Variants in ANKRD11 observed in about 807,000 individuals in gnomAD.
ANKRD11 encodes ankyrin repeat domain-containing protein 11.
ANKRD11 carries 17 observed loss-of-function variants against 195.7 expected under a neutral mutation model. The observed-to-expected ratio is 0.09, with a 90% CI of 0.06 to 0.13. The LOEUF (loss-of-function observed/expected upper bound fraction) is 0.13. Among genes scored for constraint, ANKRD11 ranks in the 10% least tolerant of loss-of-function variants. The pLI, the probability that ANKRD11 is intolerant of heterozygous loss-of-function variation, is 1.00. For synonymous variants in ANKRD11, 1,953 were observed against 1,528.1 expected (o/e 1.28, Z -6.49); for missense variants, 3,735 against 3,566.1 (o/e 1.05, Z -1.21).
intron 2 of ANKRD11, among the ~76,000 whole-genome samples, chr16:89,379,664 G>C (rs531013866): frequency 6.6e-6 from 1 of 152,310 alleles, no homozygotes; most frequent in East Asian, 1.9e-4. Flanking sequence ...CCACCTCCAG[G>C]TGACTGGGAC....
intron 2 of ANKRD11, among the ~76,000 whole-genome samples, chr16:89,342,605 G>A (rs905816060): frequency 1.3e-5 from 2 of 152,174 alleles, no homozygotes; most frequent in African/African-American, 4.8e-5. Context: ...TCTTTCTGAG[G>A]CATTATATGG....
chr16:89,375,079 C>T lies in ANKRD11; in HGVS notation c.-60+43205G>A, dbSNP rs552009607. Reference sequence around the variant, plus strand: ...CATGGCATCGTTCAGCAGAGGGAAACGTAAACAAACGTAACGTCGCAGGCT... The same window carrying T: ...CATGGCATCGTTCAGCAGAGGGAAATGTAAACAAACGTAACGTCGCAGGCT... On this transcript the variant is annotated intron_variant, in intron 2 of 12. Coordinates refer to ENST00000301030, the MANE Select transcript of ANKRD11 (RefSeq NM_013275.6). 1.4e-3 allele frequency among the ~76,000 whole-genome samples: 209 copies of T among 152,068 alleles called. 1 individual carries two copies. The highest frequency in any genetic ancestry group is 4.7e-3 in the African/African-American group (195 of 41,492).
intron 1 of ANKRD11, among the ~76,000 whole-genome samples, chr16:89,436,614 G>T (rs567678620): frequency 6.6e-6 from 1 of 152,096 alleles, no homozygotes; most frequent in African/African-American, 2.4e-5. Flanking sequence ...AAGACGCAGG[G>T]GCATCAGCCA....
chr16:89,345,393 G>A (rs1002726774), intron 2 of ANKRD11, among the ~76,000 whole-genome samples: 5 of 152,112 alleles, frequency 3.3e-5, no homozygotes, highest in Non-Finnish European at 5.9e-5. Flanking sequence ...GTGGGTGGAC[G>A]AACGCTGGCT....
intron 1 of ANKRD11, among the ~76,000 whole-genome samples, chr16:89,484,512 G>C (rs1445518245): frequency 6.6e-6 from 1 of 152,062 alleles, no homozygotes; most frequent in Non-Finnish European, 1.5e-5. Flanking sequence ...CCCTTTACTT[G>C]GAAATACTGC....
intron 2 of ANKRD11, chr16:89,340,106 T>C (rs1485686359): frequency 2.0e-5 from 3 of 152,232 alleles, no homozygotes; most frequent in Admixed American, 2.0e-4. Flanking sequence ...AACACTAAAA[T>C]GAGTATTTGT....
At chr16:89,463,578 T>C (rs1172032513) in intron 1 of ANKRD11, among the ~76,000 whole-genome samples, 5 of 152,114 alleles carry the variant, frequency 3.3e-5, no homozygotes, top group Non-Finnish European at 7.4e-5. Context: ...GAGACCTTTG[T>C]TCACTTGTTT....
At chr16:89,337,946 T>A (rs866901456) in intron 2 of ANKRD11, among the ~76,000 whole-genome samples, 26 of 152,306 alleles carry the variant, frequency 1.7e-4, no homozygotes, top group Middle Eastern at 6.8e-3. Flanking sequence ...CTGCTGAGCA[T>A]GAGGGTCCAG....
intron 2 of ANKRD11, among the ~76,000 whole-genome samples, chr16:89,376,040 G>A (rs537824280): frequency 2.0e-5 from 3 of 152,302 alleles, no homozygotes; most frequent in East Asian, 1.9e-4. Context: ...CAGGACATCC[G>A]TGAAGCCATC....
At chr16:89,390,998 G>A (rs2041167868) in intron 2 of ANKRD11, among the ~76,000 whole-genome samples, 1 of 152,132 alleles carries the variant, frequency 6.6e-6, no homozygotes, top group African/African-American at 2.4e-5. Context: ...GGAGGCCGAG[G>A]TGGGTGGATC....
chr16:89,333,432 C>T (rs371014371), intron 2 of ANKRD11, among the ~76,000 whole-genome samples: 42 of 152,288 alleles, frequency 2.8e-4, no homozygotes, highest in East Asian at 1.4e-3. Flanking sequence ...TATGGTTGGA[C>T]GAACGTATCC....
intron 1 of ANKRD11, among the ~76,000 whole-genome samples, chr16:89,481,556 C>CA (rs2057446459): frequency 6.6e-6 from 1 of 152,058 alleles, no homozygotes; most frequent in Non-Finnish European, 1.5e-5. Flanking sequence ...GACCTTGTCT[C>CA]AAAAAAAGAA....
intron 1 of ANKRD11, among the ~76,000 whole-genome samples, chr16:89,426,160 CA>C (rs1037915483): frequency 6.6e-6 from 1 of 151,942 alleles, no homozygotes. Context: ...AGGGGAATGG[CA>C]AAAACAATTC....
At chr16:89,274,363 C>G (rs927884281) in intron 11 of ANKRD11, among the ~76,000 whole-genome samples, 1 of 152,210 alleles carries the variant, frequency 6.6e-6, no homozygotes, top group African/African-American at 2.4e-5. Context: ...CCCTTAGCCA[C>G]CCAGTGTCCC....
chr16:89,358,317 C>G (rs891103304), intron 2 of ANKRD11, among the ~76,000 whole-genome samples: 1 of 152,124 alleles, frequency 6.6e-6, no homozygotes, highest in Non-Finnish European at 1.5e-5. Flanking sequence ...CACATCACAG[C>G]TGCATATTCA....
intron 1 of ANKRD11, among the ~76,000 whole-genome samples, chr16:89,427,539 G>C (rs1488933065): frequency 6.6e-6 from 1 of 152,240 alleles, no homozygotes; most frequent in Non-Finnish European, 1.5e-5. Flanking sequence ...GCTCACGCCT[G>C]TAATCACAGC....
At chr16:89,288,101 T>TG (rs2034778772) in intron 7 of ANKRD11, 1 of 570,534 alleles carries the variant, frequency 1.8e-6, no homozygotes, top group Admixed American at 3.2e-5. Context: ...TTCTAAAGCT[T>TG]GAGTCTATGG....
In ANKRD11 at chr16:89,384,759, T is replaced by G. The variant is rs952296903; in HGVS notation, c.-60+33525A>C. On this transcript the variant is annotated intron_variant, in intron 2 of 12. Transcript: ENST00000301030. ...TGGTCTTACTGTATTTTTGGCAACCTGTATTTAGCACCTACAGAAAAAGCA... is the reference window on the plus strand; with the variant it reads ...TGGTCTTACTGTATTTTTGGCAACCGGTATTTAGCACCTACAGAAAAAGCA... Among the ~76,000 whole-genome samples, 9 of 152,140 alleles carry G rather than the reference T, an allele frequency of 5.9e-5. No individual in the cohort carries two copies. In the South Asian group the frequency reaches 1.9e-3, roughly 32 times the overall value.
chr16:89,463,167 G>A (rs996784059), intron 1 of ANKRD11, among the ~76,000 whole-genome samples: 7 of 152,224 alleles, frequency 4.6e-5, no homozygotes, highest in African/African-American at 1.4e-4. Flanking sequence ...CCCCGTCTGG[G>A]AGGTGTGCCC....
Sources: gnomAD v4.1 joint callset for allele counts (sites outside exome capture counted in the v4.1 genomes callset) on GRCh38, gnomAD v4.1.1 for gene constraint, MANE v1.5 for transcripts, NCBI Gene and HGNC (gene_info 2026-07-23, HGNC 2026-07-21) for gene names.